RPS6KA2: variants seen among roughly 807,000 people sequenced by gnomAD.
The protein encoded by RPS6KA2 is ribosomal protein S6 kinase A2.
RPS6KA2 carries 42 observed loss-of-function variants against 91.8 expected under a neutral mutation model. That is an observed-to-expected ratio of 0.46 (90% CI 0.36 to 0.59). The LOEUF (loss-of-function observed/expected upper bound fraction) is 0.59, where lower values mean the gene tolerates loss of function less well. Ranked by LOEUF, RPS6KA2 falls within the 20% of genes least tolerant of loss-of-function variation. The pLI is 0.00. For missense variants in RPS6KA2, 798 were observed against 978.5 expected (o/e 0.82, Z 2.46); for synonymous variants, 414 against 393.6 (o/e 1.05, Z -0.61).
At chr6:166,568,978 T>A (rs1290531117) in intron 1 of RPS6KA2, among the ~76,000 whole-genome samples, 1 of 152,210 alleles carries the variant, frequency 6.6e-6, no homozygotes, top group Non-Finnish European at 1.5e-5. Flanking sequence ...TTTTACCAAA[T>A]ACTGTAGTTG....
At chr6:166,482,103 G>A (rs897735500) in intron 10 of RPS6KA2, among the ~76,000 whole-genome samples, 40 of 147,444 alleles carry the variant, frequency 2.7e-4, no homozygotes, top group Middle Eastern at 3.8e-3. Flanking sequence ...AGTATGTGCT[G>A]CAGAGTGGAG....
Position 166,852,409 on chromosome 6 carries a change from A to G in RPS6KA2, c.123+5791T>C, listed in dbSNP as rs116280526. ...TTCACCTTGTCTCACTTCTATTCAGACCAGTTTAGATTGTTTTTCTTTCTG... is the reference window on the plus strand; with the variant it reads ...TTCACCTTGTCTCACTTCTATTCAGGCCAGTTTAGATTGTTTTTCTTTCTG... On this transcript the variant is annotated intron_variant, in intron 2 of 21. Transcript: ENST00000503859. The surrounding 1 kb of genome is among the most constrained non-coding windows in gnomAD (Gnocchi z 4.1). 6.6e-6 allele frequency among the ~76,000 whole-genome samples: 1 copy of G among 151,998 alleles called. No individual in the cohort carries two copies. Among genetic ancestry groups the G allele is most frequent in the African/African-American group, 2.4e-5 (1 of 41,352 alleles).
intron 1 of RPS6KA2, among the ~76,000 whole-genome samples, chr6:166,600,027 A>C (rs1785674670): frequency 6.6e-6 from 1 of 151,692 alleles, no homozygotes; most frequent in Non-Finnish European, 1.5e-5. Context: ...GTTTGTTTTG[A>C]GACAGAGTCT....
intron 2 of RPS6KA2, among the ~76,000 whole-genome samples, chr6:166,772,708 A>C (rs1269539573): frequency 6.6e-6 from 1 of 152,216 alleles, no homozygotes; most frequent in African/African-American, 2.4e-5. Context: ...AGTGCCCCAC[A>C]GATGGCGCTA....
chr6:166,430,151 G>A (rs1267132246), intron 16 of RPS6KA2, among the ~76,000 whole-genome samples: 1 of 151,672 alleles, frequency 6.6e-6, no homozygotes, highest in Non-Finnish European at 1.5e-5. Flanking sequence ...GTTATTTTTA[G>A]TAGAGACAGG....
chr6:166,464,667 G>A (rs537388240), intron 11 of RPS6KA2, among the ~76,000 whole-genome samples: 8 of 152,228 alleles, frequency 5.3e-5, no homozygotes, highest in African/African-American at 1.2e-4. Flanking sequence ...TTTTGGGTTC[G>A]TGCTAATTCT....
At chr6:166,705,210 C>T (rs1778209575) in intron 2 of RPS6KA2, among the ~76,000 whole-genome samples, 1 of 152,228 alleles carries the variant, frequency 6.6e-6, no homozygotes, top group Admixed American at 6.5e-5. Context: ...GGTATCCGTC[C>T]AATTGTGCAA....
chr6:166,654,112 T>C (rs946407761), intron 2 of RPS6KA2, among the ~76,000 whole-genome samples: 20 of 152,330 alleles, frequency 1.3e-4, no homozygotes, highest in African/African-American at 4.6e-4. Flanking sequence ...TGGTCAAGCT[T>C]TCAAAAACAC....
intron 10 of RPS6KA2, among the ~76,000 whole-genome samples, chr6:166,478,652 A>G (rs574846351): frequency 3.9e-5 from 6 of 152,344 alleles, no homozygotes; most frequent in African/African-American, 1.2e-4. Flanking sequence ...TGTGCACCAG[A>G]TAACGTTCCT....
intron 2 of RPS6KA2, among the ~76,000 whole-genome samples, chr6:166,659,420 G>A (rs1028679684): frequency 2.1e-4 from 32 of 152,306 alleles, no homozygotes; most frequent in African/African-American, 7.2e-4. Flanking sequence ...TCAGGAAGAC[G>A]ATCGTGCAGG....
chr6:166,496,892 G>A (rs1015278827), intron 8 of RPS6KA2, among the ~76,000 whole-genome samples: 4 of 152,232 alleles, frequency 2.6e-5, no homozygotes, highest in African/African-American at 9.6e-5. Context: ...CGTCAGCAAA[G>A]GCAACATCAG....
In RPS6KA2 at chr6:166,648,044, ACACATG is replaced by A. The variant is rs1205027499; in HGVS notation, c.124-109266_124-109261del. 6.6e-6 allele frequency among the ~76,000 whole-genome samples: 1 copy of A among 151,628 alleles called. No individual in the cohort carries two copies. Among genetic ancestry groups the A allele is most frequent in the South Asian group, 2.1e-4 (1 of 4,800 alleles). ...CACATACATACACACATGCTCTCACACACATGCACATGCTCACACACATGCACACGC... is the reference window on the plus strand; with the variant it reads ...CACATACATACACACATGCTCTCACACACATGCTCACACACATGCACACGC... On this transcript the variant is annotated intron_variant, in intron 2 of 21. Coordinates refer to the RPS6KA2 transcript ENST00000503859. This position sits in a 1 kb window ranked among gnomAD's most constrained non-coding sequence, Gnocchi z 4.8.
At chr6:166,705,308 G>A (rs968482172) in intron 2 of RPS6KA2, among the ~76,000 whole-genome samples, 1 of 152,214 alleles carries the variant, frequency 6.6e-6, no homozygotes, top group South Asian at 2.1e-4. Flanking sequence ...TTTCTCGAAT[G>A]TGTCCGTTTC....
chr6:166,518,792 T>C, intron 3 of RPS6KA2, among the ~76,000 whole-genome samples: 1 of 152,244 alleles, frequency 6.6e-6, no homozygotes, highest in Non-Finnish European at 1.5e-5. Context: ...CTAAACAAGA[T>C]GTCAAGGGAC....
intron 2 of RPS6KA2, among the ~76,000 whole-genome samples, chr6:166,681,014 G>A (rs972158499): frequency 5.9e-5 from 9 of 152,154 alleles, no homozygotes; most frequent in African/African-American, 1.9e-4. Context: ...AACAGCAGCC[G>A]CTTGTCTCTC....
intron 2 of RPS6KA2, among the ~76,000 whole-genome samples, chr6:166,749,720 C>G (rs1339134375): frequency 1.6e-5 from 1 of 60,698 alleles, no homozygotes; most frequent in Non-Finnish European, 3.4e-5. Flanking sequence ...CCTCCTCAGG[C>G]CCCCCATCCC....
Position 166,626,896 on chromosome 6 carries a change from C to G in RPS6KA2, c.99+25G>C, listed in dbSNP as rs988581026. ...CGGCCCGCTCAGTGCCCGGCACCTG[C>G]GCGCCCCGAGGGCGGCCGCATTACC... On this transcript the variant is annotated intron_variant, in intron 1 of 20. Coordinates refer to ENST00000265678, the MANE Select transcript of RPS6KA2 (RefSeq NM_021135.6). The surrounding 1 kb of genome is among the most constrained non-coding windows in gnomAD (Gnocchi z 4.1). 2.7e-6 allele frequency: 4 copies of G among 1,465,844 alleles called. No homozygotes were observed. Among genetic ancestry groups the G allele is most frequent in the Non-Finnish European group, 3.6e-6 (4 of 1,101,456 alleles). 90.8% of individuals were successfully genotyped at this position (1,465,844 alleles called of 1,614,324 possible).
At chr6:166,773,029 T>A (rs1778519086) in intron 2 of RPS6KA2, among the ~76,000 whole-genome samples, 1 of 151,898 alleles carries the variant, frequency 6.6e-6, no homozygotes, top group Non-Finnish European at 1.5e-5. Context: ...CCCACACCCA[T>A]CCTCTCTACA....
At chr6:166,474,352 G>C (rs1026408836) in intron 10 of RPS6KA2, among the ~76,000 whole-genome samples, 1 of 152,244 alleles carries the variant, frequency 6.6e-6, no homozygotes, top group East Asian at 1.9e-4. Flanking sequence ...CAGGCAGCAG[G>C]TGTGCTGTGA....
Sources: allele counts gnomAD v4.1 joint callset (sites outside exome capture counted in the v4.1 genomes callset), GRCh38; gene constraint gnomAD v4.1.1; non-coding constraint Gnocchi (gnomAD v3.1); transcripts MANE v1.5; gene names NCBI Gene and HGNC (gene_info 2026-07-23, HGNC 2026-07-21).